Variants in UVRAG observed in about 807,000 individuals in gnomAD.
UVRAG encodes the protein UV radiation resistance associated.
UVRAG carries 19 observed loss-of-function variants against 78.0 expected under a neutral mutation model. The ratio of observed to expected loss-of-function variants is 0.24; its 90% CI spans 0.17 to 0.36. UVRAG has a LOEUF of 0.36. Among genes scored for constraint, UVRAG ranks in the 10% least tolerant of loss-of-function variants. UVRAG has a pLI of 1.00. For synonymous variants in UVRAG, 323 were observed against 324.6 expected (o/e 1.00, Z 0.05); for missense variants, 740 against 853.8 (o/e 0.87, Z 1.66).
intron 12 of UVRAG, among the ~76,000 whole-genome samples, chr11:76,053,646 TA>T (rs1169402770): frequency 1.3e-5 from 2 of 152,076 alleles, no homozygotes; most frequent in African/African-American, 2.4e-5. Context: ...GTCTGGTCTT[TA>T]AAAAACATAA....
intron 7 of UVRAG, among the ~76,000 whole-genome samples, chr11:75,965,754 A>G (rs1299907452): frequency 6.6e-6 from 1 of 152,224 alleles, no homozygotes; most frequent in Admixed American, 6.5e-5. Context: ...AATACAATTA[A>G]TTTTAACTTA....
chr11:75,827,908 A>C (rs1945551675), intron 1 of UVRAG, among the ~76,000 whole-genome samples: 1 of 151,936 alleles, frequency 6.6e-6, no homozygotes. Flanking sequence ...TTTTTTTTTA[A>C]CGTTGTCTCC....
At chr11:75,914,204 T>G (rs540910670) in intron 6 of UVRAG, 1 of 152,334 alleles carries the variant, frequency 6.6e-6, no homozygotes, top group East Asian at 1.9e-4. Flanking sequence ...TATTAAATGA[T>G]CCTCTTTTCC....
intron 7 of UVRAG, among the ~76,000 whole-genome samples, chr11:75,973,067 G>C (rs1458337875): frequency 1.3e-5 from 2 of 152,040 alleles, no homozygotes; most frequent in Non-Finnish European, 2.9e-5. Context: ...AGGACTTCAG[G>C]TATAACTATG....
intron 6 of UVRAG, among the ~76,000 whole-genome samples, chr11:75,947,377 A>G (rs1218656624): frequency 1.3e-5 from 2 of 152,166 alleles, no homozygotes; most frequent in South Asian, 4.1e-4. Flanking sequence ...TATGCAGAGA[A>G]TGGGAATCTT....
At chr11:76,135,549 A>G (rs1208964109) in intron 14 of UVRAG, among the ~76,000 whole-genome samples, 1 of 152,248 alleles carries the variant, frequency 6.6e-6, no homozygotes, top group African/African-American at 2.4e-5. Flanking sequence ...CAGTTATTCA[A>G]CAAGCTACAC....
intron 1 of UVRAG, among the ~76,000 whole-genome samples, chr11:75,840,327 A>T (rs966826774): frequency 6.6e-6 from 1 of 151,586 alleles, no homozygotes; most frequent in Non-Finnish European, 1.5e-5. Context: ...AAAGAAGGAA[A>T]TGAGGGGTGG....
intron 6 of UVRAG, among the ~76,000 whole-genome samples, chr11:75,928,668 G>A (rs1030374999): frequency 1.3e-5 from 2 of 151,948 alleles, no homozygotes; most frequent in African/African-American, 4.8e-5. Context: ...GGCCGGGTGC[G>A]GTGGCTCACG....
rs1390984635 is a variant in UVRAG, at chr11:75,896,456, GCA to G, written c.507+7556_507+7557del. Among the ~76,000 whole-genome samples, 6 of 152,142 alleles carry G rather than the reference GCA, an allele frequency of 3.9e-5. No homozygotes were observed. The South Asian group carries it at 1.0e-3, about 26-fold the overall frequency. On this transcript the variant is annotated intron_variant, in intron 5 of 14. Coordinates refer to ENST00000356136, the MANE Select transcript of UVRAG (RefSeq NM_003369.4). The stretch of plus-strand genomic sequence containing the variant: ...CTGCTGACAGCTGCTTTTTATGAAT[GCA>G]CAGTCCTAGTCGTTAGGAATATGGA...
intron 13 of UVRAG, among the ~76,000 whole-genome samples, chr11:76,105,729 T>G (rs1409333725): frequency 6.6e-6 from 1 of 152,122 alleles, no homozygotes; most frequent in Admixed American, 6.6e-5. Flanking sequence ...GCCTGAGTGA[T>G]AGAATGACAC....
intron 1 of UVRAG, among the ~76,000 whole-genome samples, chr11:75,830,363 G>C (rs1945627343): frequency 6.6e-6 from 1 of 151,610 alleles, no homozygotes; most frequent in South Asian, 2.1e-4. Context: ...TCTGCCTCTC[G>C]GGTTCAAGCG....
rs534571537 is a variant in UVRAG, at chr11:75,876,763, C to T, written c.271-3116C>T. 2.0e-5 allele frequency among the ~76,000 whole-genome samples: 3 copies of T among 150,078 alleles called. No homozygotes were observed. In the South Asian group the frequency reaches 6.3e-4, roughly 32 times the overall value. On this transcript the variant is annotated intron_variant, in intron 3 of 14. Transcript: ENST00000356136. ...CCTTATCTGAAGACCCTTTGATTTA[C>T]TGATTTACATAATATGAAAATTGGT... is the stretch of plus-strand genomic sequence containing the variant.
At chr11:75,908,005 C>T (rs2135012821) in intron 5 of UVRAG, among the ~76,000 whole-genome samples, 1 of 152,210 alleles carries the variant, frequency 6.6e-6, no homozygotes, top group South Asian at 2.1e-4. Context: ...CCATTGCCAC[C>T]ATCCATGTAT....
chr11:75,856,583 T>C (rs1418635524), intron 2 of UVRAG, among the ~76,000 whole-genome samples: 3 of 152,202 alleles, frequency 2.0e-5, no homozygotes, highest in Non-Finnish European at 4.4e-5. Flanking sequence ...TAGCTGGGAC[T>C]ATAGGCACAC....
At chr11:76,016,238 G>A (rs188620778) in intron 11 of UVRAG, among the ~76,000 whole-genome samples, 1 of 152,010 alleles carries the variant, frequency 6.6e-6, no homozygotes, top group East Asian at 1.9e-4. Context: ...TTTTGCTTTT[G>A]CTGTTTAAAG....
At chr11:76,048,616 G>A (rs1664875635) in intron 12 of UVRAG, among the ~76,000 whole-genome samples, 2 of 152,150 alleles carry the variant, frequency 1.3e-5, no homozygotes, top group Admixed American at 6.5e-5. Context: ...CTGAAATTGG[G>A]CAAGATGATG....
intron 12 of UVRAG, among the ~76,000 whole-genome samples, chr11:76,042,809 A>C (rs1347971967): frequency 6.6e-6 from 1 of 152,236 alleles, no homozygotes; most frequent in Admixed American, 6.5e-5. Flanking sequence ...ATATATTAAA[A>C]AAGACACACA....
chr11:75,884,240 T>TCTCTCTCTCTCTCTTTCTC (rs1555080662), intron 4 of UVRAG, among the ~76,000 whole-genome samples: 3 of 132,558 alleles, frequency 2.3e-5, no homozygotes, highest in African/African-American at 9.6e-5. Context: ...CTCTCTCTCT[T>TCTCTCTCTCTCTCTTTCTC]TCTCTCTCTC....
At chr11:76,095,915 T>C (rs984056028) in intron 13 of UVRAG, among the ~76,000 whole-genome samples, 68 of 144,060 alleles carry the variant, frequency 4.7e-4, no homozygotes, top group African/African-American at 1.7e-3. Flanking sequence ...AGATGCCACC[T>C]CTGCTTTTAC....
Sources: allele counts gnomAD v4.1 joint callset (sites outside exome capture counted in the v4.1 genomes callset), GRCh38; gene constraint gnomAD v4.1.1; transcripts MANE v1.5; gene names NCBI Gene and HGNC (gene_info 2026-07-23, HGNC 2026-07-21).